Variants in PLEKHG4B observed in about 807,000 individuals in gnomAD.
PLEKHG4B encodes the protein pleckstrin homology and RhoGEF domain containing G4B, also known as pleckstrin homology domain-containing family G member 4B.
Under a neutral mutation model 121.3 loss-of-function variants are expected in PLEKHG4B, and 111 were observed. The ratio of observed to expected loss-of-function variants is 0.92; its 90% CI spans 0.78 to 1.07. PLEKHG4B has a LOEUF of 1.07. Among genes scored for constraint, PLEKHG4B ranks in the 50% least tolerant of loss-of-function variants. The probability of loss-of-function intolerance (pLI) is 0.00; values close to 1 mark genes in which losing one functional copy is unlikely to be tolerated. For missense variants in PLEKHG4B, 1,831 were observed against 1,757.8 expected (o/e 1.04, Z -0.74); for synonymous variants, 738 against 725.0 (o/e 1.02, Z -0.29).
At position 149,890 on chromosome 5, in the gene PLEKHG4B, GAAACTGGA is replaced by G. The variant is rs1462603854; in HGVS notation, c.1906-1621_1906-1614del. 2.0e-4 allele frequency among the ~76,000 whole-genome samples: 30 copies of G among 152,204 alleles called. 1 individual carries two copies. The highest frequency in any genetic ancestry group is 2.8e-4 in the Non-Finnish European group (19 of 68,040). ...CAACAAGTGTTGGCAAAGATACGGA[GAAACTGGA>G]ACCCTTGTGCACGGTTGATGGGAAC... On this transcript the variant is annotated intron_variant, in intron 6 of 19. Transcript: ENST00000637938.
At chr5:102,959 AGAGGCTTCTT>A (rs1733866770) in intron 1 of PLEKHG4B, among the ~76,000 whole-genome samples, 1 of 152,160 alleles carries the variant, frequency 6.6e-6, no homozygotes, top group African/African-American at 2.4e-5. Context: ...CAAATCTGTT[AGAGGCTTCTT>A]GCTAGCACAT....
chr5:151,461 A>C, intron 6 of PLEKHG4B, 52 bp from the exon 7 acceptor site: 1 of 1,262,182 alleles, frequency 7.9e-7, no homozygotes, highest in African/African-American at 1.5e-5. Flanking sequence ...TCTATTAATG[A>C]AGTTAAAAAT....
In PLEKHG4B at chr5:148,241, G is replaced by C. The variant is rs186446297; in HGVS notation, c.1906-3272G>C. On this transcript the variant is annotated intron_variant, in intron 6 of 19. Transcript: ENST00000637938. Reference sequence around the variant, plus strand: ...CTAGAGCAATTGGACAAGAAAAAGTGGGGGGTGGGGGAGAAGAGGCATCCA... The same window carrying C: ...CTAGAGCAATTGGACAAGAAAAAGTCGGGGGTGGGGGAGAAGAGGCATCCA... Among the ~76,000 whole-genome samples, 30 of 151,748 alleles carry C rather than the reference G, an allele frequency of 2.0e-4. No individual in the cohort carries two copies. The East Asian group carries it at 5.6e-3, about 28-fold the overall frequency.
At position 152,077 on chromosome 5, in the gene PLEKHG4B, CT is replaced by C. The variant is rs1276398464; in HGVS notation, c.1992+481del. ...CCTTTGGCTGTTTCCAAGGTACTTC[CT>C]TTCTTTTGAGCAAATCGCAATGCGA... On this transcript the variant is annotated intron_variant, in intron 7 of 19. Transcript: ENST00000637938. 2.0e-5 allele frequency among the ~76,000 whole-genome samples: 3 copies of C among 152,282 alleles called. No homozygotes were observed. The East Asian group carries it at 5.8e-4, about 29-fold the overall frequency.
chr5:98,790 A>C (rs1331954142), intron 1 of PLEKHG4B, among the ~76,000 whole-genome samples: 1 of 144,526 alleles, frequency 6.9e-6, no homozygotes, highest in African/African-American at 2.6e-5. Context: ...GTAGCTTTGT[A>C]ATAAGTTTTG....
rs1455988856 is a variant in PLEKHG4B, at chr5:159,168, C to T, written c.2487+2257C>T. 2.0e-5 allele frequency among the ~76,000 whole-genome samples: 3 copies of T among 151,664 alleles called. No homozygotes were observed. Among genetic ancestry groups the T allele is most frequent in the Admixed American group, 1.3e-4 (2 of 15,246 alleles). ...TGAGGGCAGGTGTGCCCGAGGGTCACCCAGGTGCACTGAGAGCAGGTGTGC... is the reference window on the plus strand; with the variant it reads ...TGAGGGCAGGTGTGCCCGAGGGTCATCCAGGTGCACTGAGAGCAGGTGTGC... On this transcript the variant is annotated intron_variant, in intron 11 of 19. Coordinates refer to ENST00000637938, the MANE Select transcript of PLEKHG4B (RefSeq NM_052909.5). The surrounding 1 kb of genome is among the most constrained non-coding windows in gnomAD (Gnocchi z 5.5).
rs1016783499 is a variant in PLEKHG4B at position 137,424 on chromosome 5, T to TACAC, written c.244-2048_244-2045dup. 1.3e-5 allele frequency among the ~76,000 whole-genome samples: 2 copies of TACAC among 151,928 alleles called. No individual in the cohort carries two copies. The highest frequency in any genetic ancestry group is 4.2e-4 in the South Asian group (2 of 4,818). On this transcript the variant is annotated intron_variant, in intron 2 of 19. Transcript: ENST00000637938. The surrounding 1 kb of genome is among the most constrained non-coding windows in gnomAD (Gnocchi z 4.2). ...TGGTGAACTTCACATTATATCTGTT[T>TACAC]ACACACACACACACCCTCCTCCCCA... is the stretch of plus-strand genomic sequence containing the variant.
intron 1 of PLEKHG4B, among the ~76,000 whole-genome samples, chr5:111,444 G>T (rs1427103750): frequency 6.6e-6 from 1 of 152,242 alleles, no homozygotes; most frequent in Non-Finnish European, 1.5e-5. Flanking sequence ...ACAGCGCAGT[G>T]CACCAGCCAT....
At chr5:164,442 CA>C (rs1046686873) in intron 13 of PLEKHG4B, among the ~76,000 whole-genome samples, 3 of 149,246 alleles carry the variant, frequency 2.0e-5, no homozygotes, top group African/African-American at 5.0e-5. Context: ...AATGCTGTGA[CA>C]GGGGGCGGGG....
At position 172,915 on chromosome 5, in the gene PLEKHG4B, G is replaced by A. The variant is rs759975320; in HGVS notation, c.4069G>A (p.Gly1357Arg). ...RGCDVNLKEQ[G>R]QLRCRDEFIV... is the part of the protein sequence containing the mutation. ...TCTGCAGGTGAATTTGAAGGAACAG[G>A]GGCAGCTGAGATGCCGGGATGAGTT... The change falls in exon 17 of 20, where the codon GGG becomes AGG. Residue 1357 changes from glycine (G) to arginine (R), a missense_variant. Gly to Arg is a moderately radical substitution (Grantham distance 125, BLOSUM62 -2). Transcript: ENST00000637938. 1.2e-6 allele frequency: 2 copies of A among 1,614,168 alleles called. No individual in the cohort carries two copies. The highest frequency in any genetic ancestry group is 2.2e-5 in the South Asian group (2 of 91,074).
rs963148131 is a variant in PLEKHG4B, at chr5:169,166, G to A, written c.3477-174G>A. On this transcript the variant is annotated intron_variant, in intron 13 of 19. Coordinates refer to ENST00000637938, the MANE Select transcript of PLEKHG4B (RefSeq NM_052909.5). ...TGGGATTACAGGCACGAGCCCCCACGCCTGGCCGGAAGCTTTTTTATCGTG... is the reference window on the plus strand; with the variant it reads ...TGGGATTACAGGCACGAGCCCCCACACCTGGCCGGAAGCTTTTTTATCGTG... 19 of 818,708 alleles carry A rather than the reference G, an allele frequency of 2.3e-5. No individual in the cohort carries two copies. The East Asian group carries it at 3.5e-4, about 15-fold the overall frequency. 50.7% of individuals were successfully genotyped at this position (818,708 alleles called of 1,614,324 possible). A position where few individuals can be genotyped will look rare whatever the true frequency, so the allele number is the denominator to read the frequency against.
chr5:158,549 TC>T (rs1735878519), intron 11 of PLEKHG4B, among the ~76,000 whole-genome samples: 3 of 109,894 alleles, frequency 2.7e-5, no homozygotes, highest in Admixed American at 8.9e-5. Flanking sequence ...CTCCCCCATC[TC>T]CCCCTCCTCC....
At chr5:152,971 C>T (rs1735653569) in intron 7 of PLEKHG4B, among the ~76,000 whole-genome samples, 1 of 152,194 alleles carries the variant, frequency 6.6e-6, no homozygotes, top group Non-Finnish European at 1.5e-5. Context: ...CTAAGGCCTC[C>T]CCAGCCATGC....
chr5:166,474 G>A (rs1182547047), intron 13 of PLEKHG4B, among the ~76,000 whole-genome samples: 2 of 94,880 alleles, frequency 2.1e-5, no homozygotes, highest in Non-Finnish European at 4.4e-5. Flanking sequence ...TCACACTAAT[G>A]CTCTGACGGG....
intron 1 of PLEKHG4B, among the ~76,000 whole-genome samples, chr5:112,067 C>A (rs1237966821): frequency 6.6e-6 from 1 of 152,248 alleles, no homozygotes; most frequent in Non-Finnish European, 1.5e-5. Flanking sequence ...TGCATGAACT[C>A]AGACTGTATT....
At chr5:166,222 C>G (rs866216375) in intron 13 of PLEKHG4B, among the ~76,000 whole-genome samples, 5 of 9,868 alleles carry the variant, frequency 5.1e-4, no homozygotes, top group African/African-American at 1.0e-3. Flanking sequence ...TCACAGTAAT[C>G]CTCTGACGGG....
intron 1 of PLEKHG4B, among the ~76,000 whole-genome samples, chr5:102,697 C>A (rs543720245): frequency 1.3e-5 from 2 of 152,220 alleles, no homozygotes; most frequent in Non-Finnish European, 2.9e-5. Context: ...AATTAAGCAT[C>A]TTTTCTTTAT....
At chr5:119,444 T>C (rs929198692) in intron 2 of PLEKHG4B, among the ~76,000 whole-genome samples, 4 of 152,212 alleles carry the variant, frequency 2.6e-5, no homozygotes, top group African/African-American at 4.8e-5. Flanking sequence ...GTTAATGTAC[T>C]GCTAAATAAA....
intron 1 of PLEKHG4B, among the ~76,000 whole-genome samples, chr5:101,753 C>G (rs1368587098): frequency 4.3e-5 from 6 of 140,096 alleles, no homozygotes; most frequent in Middle Eastern, 3.8e-3. Flanking sequence ...GAGGTTAATC[C>G]ATATAAAGCC....
Sources: gnomAD v4.1 joint callset for allele counts (sites outside exome capture counted in the v4.1 genomes callset) on GRCh38, gnomAD v4.1.1 for gene constraint, Gnocchi (gnomAD v3.1) non-coding constraint, MANE v1.5 for transcripts, NCBI Gene and HGNC (gene_info 2026-07-23, HGNC 2026-07-21) for gene names.